GRIA4: variants seen among roughly 807,000 people sequenced by gnomAD.
The protein encoded by GRIA4 is glutamate receptor 4.
GRIA4 carries 34 observed loss-of-function variants against 104.0 expected under a neutral mutation model. The observed-to-expected ratio is 0.33, with a 90% CI of 0.25 to 0.44. GRIA4 has a LOEUF of 0.44. Among genes scored for constraint, GRIA4 ranks in the 20% least tolerant of loss-of-function variants. The pLI, the probability that GRIA4 is intolerant of heterozygous loss-of-function variation, is 1.00. For synonymous variants in GRIA4, 386 were observed against 381.9 expected, an observed-to-expected ratio of 1.01 and a Z score of -0.13; for missense variants, 750 against 1,096.5, an observed-to-expected ratio of 0.68 and a Z score of 4.46.
intron 6 of GRIA4, among the ~76,000 whole-genome samples, chr11:105,887,815 C>T (rs1430032344): frequency 5.9e-5 from 9 of 152,072 alleles, no homozygotes; most frequent in Admixed American, 1.3e-4. Context: ...TACTTTGCTA[C>T]GATACCACTT....
intron 4 of GRIA4, among the ~76,000 whole-genome samples, chr11:105,781,341 G>A (rs1941717425): frequency 2.6e-5 from 4 of 151,968 alleles, no homozygotes; most frequent in Admixed American, 2.6e-4. Flanking sequence ...TTTTGTACAA[G>A]GACTCCAACA....
chr11:105,807,387 T>C (rs912472183), intron 4 of GRIA4, among the ~76,000 whole-genome samples: 5 of 151,900 alleles, frequency 3.3e-5, no homozygotes, highest in Non-Finnish European at 5.9e-5. Context: ...ATGTTAAACA[T>C]TGAAAAAGAG....
At chr11:105,797,692 GTTTCT>G (rs1186317641) in intron 4 of GRIA4, 1 of 354,190 alleles carries the variant, frequency 2.8e-6, no homozygotes, top group Non-Finnish European at 5.7e-6. Flanking sequence ...ACTATAATGA[GTTTCT>G]TTGTGTCTTG....
At chr11:105,864,746 T>C (rs1189681686) in intron 5 of GRIA4, among the ~76,000 whole-genome samples, 1 of 152,110 alleles carries the variant, frequency 6.6e-6, no homozygotes, top group Admixed American at 6.5e-5. Context: ...GGCACATGCC[T>C]GTAATCCCAG....
Position 105,801,087 on chromosome 11 carries a change from G to A in GRIA4, c.487+47867G>A, listed in dbSNP as rs562882427. 2.6e-5 allele frequency among the ~76,000 whole-genome samples: 4 copies of A among 151,606 alleles called. No homozygotes were observed. In the South Asian group the frequency reaches 8.3e-4, roughly 32 times the overall value. On this transcript the variant is annotated intron_variant, in intron 4 of 16. Transcript: ENST00000282499. ...AATAAAATTGAGCTATTTTGTTCAG[G>A]AAAACCCAGAATAACAACCTTAGAG... is the stretch of plus-strand genomic sequence containing the variant.
intron 3 of GRIA4, among the ~76,000 whole-genome samples, chr11:105,650,624 T>C (rs151090507): frequency 1.9e-4 from 29 of 152,264 alleles, no homozygotes; most frequent in Non-Finnish European, 3.7e-4. Flanking sequence ...CATAAGAATC[T>C]CTAGTTAGGA....
intron 4 of GRIA4, among the ~76,000 whole-genome samples, chr11:105,769,191 A>C (rs1941094801): frequency 6.6e-6 from 1 of 152,108 alleles, no homozygotes; most frequent in Non-Finnish European, 1.5e-5. Context: ...GTGTTCCATT[A>C]AAGTTAGGTG....
At chr11:105,681,891 A>T (rs1249668218) in intron 3 of GRIA4, among the ~76,000 whole-genome samples, 1 of 152,084 alleles carries the variant, frequency 6.6e-6, no homozygotes, top group Non-Finnish European at 1.5e-5. Context: ...AAAATATAAA[A>T]ATTAGCCAAG....
At position 105,760,529 on chromosome 11, in the gene GRIA4, C is replaced by G. The variant is rs542068863; in HGVS notation, c.487+7309C>G. ...CCCAATGTACTTGACAATTTTGTAG[C>G]AAGGTTATATTGGCCTTCTAAACTA... On this transcript the variant is annotated intron_variant, in intron 4 of 16. Transcript: ENST00000282499. Among the ~76,000 whole-genome samples, 12 of 152,248 alleles carry G rather than the reference C, an allele frequency of 7.9e-5. No individual in the cohort carries two copies. The South Asian group carries it at 2.5e-3, about 32-fold the overall frequency.
intron 3 of GRIA4, among the ~76,000 whole-genome samples, chr11:105,621,847 G>A (rs1950754637): frequency 1.3e-5 from 2 of 151,666 alleles, no homozygotes; most frequent in African/African-American, 4.8e-5. Flanking sequence ...TCTATGACTT[G>A]CCAACAGTGA....
chr11:105,715,354 A>G (rs1019282992), intron 3 of GRIA4, among the ~76,000 whole-genome samples: 1 of 152,182 alleles, frequency 6.6e-6, no homozygotes, highest in African/African-American at 2.4e-5. Flanking sequence ...TACTAGAGAT[A>G]TATCTTTAAC....
intron 3 of GRIA4, among the ~76,000 whole-genome samples, chr11:105,723,605 T>A (rs1345053173): frequency 6.6e-6 from 1 of 152,122 alleles, no homozygotes; most frequent in Non-Finnish European, 1.5e-5. Flanking sequence ...AATTTTGGCA[T>A]GAATTAGTCT....
chr11:105,793,640 C>T (rs776465002), intron 4 of GRIA4, among the ~76,000 whole-genome samples: 2 of 152,106 alleles, frequency 1.3e-5, no homozygotes, highest in East Asian at 1.9e-4. Flanking sequence ...AGTGATTCAG[C>T]GGGTGCAACA....
Position 105,972,048 on chromosome 11 carries a change from G to A in GRIA4, c.2409+20G>A, listed in dbSNP as rs1371840602. 8.3e-6 allele frequency: 12 copies of A among 1,453,494 alleles called. No homozygotes were observed. The highest frequency in any genetic ancestry group is 2.8e-5 in the African/African-American group (2 of 71,518). The allele number at this position is 1,453,494 out of a possible 1,614,324, so 90.0% of individuals were successfully genotyped here. On this transcript the variant is annotated intron_variant, in intron 15 of 16. Coordinates refer to ENST00000282499, the MANE Select transcript of GRIA4 (RefSeq NM_000829.4). ...AGCAAGGTCAGTCGCTGCAGTTCGG[G>A]GCCTCCTCTTGTGTTCACAAAGCAG... is the stretch of plus-strand genomic sequence containing the variant.
chr11:105,697,835 T>C (rs1953337944), intron 3 of GRIA4, among the ~76,000 whole-genome samples: 1 of 152,128 alleles, frequency 6.6e-6, no homozygotes, highest in Non-Finnish European at 1.5e-5. Flanking sequence ...GCAAAATGGG[T>C]ACATATACTC....
rs1182037075 is a variant in GRIA4 at position 105,980,573 on chromosome 11, A to G, written c.*834A>G. 6.6e-6 allele frequency: 1 copy of G among 152,634 alleles called. No homozygotes were observed. Among genetic ancestry groups the G allele is most frequent in the Non-Finnish European group, 1.5e-5 (1 of 68,042 alleles). The allele number at this position is 152,634 out of a possible 1,614,324, so 9.5% of individuals were successfully genotyped here. On this transcript the variant is annotated 3_prime_UTR_variant, in exon 17 of 17. Coordinates refer to ENST00000282499, the MANE Select transcript of GRIA4 (RefSeq NM_000829.4). ...AAAAGGAAGAAAACGTTTAGGTTCA[A>G]TCATCAGTCTGCGGTGTAGACTCGA...
intron 3 of GRIA4, among the ~76,000 whole-genome samples, chr11:105,704,061 T>C (rs1953603669): frequency 6.6e-6 from 1 of 152,042 alleles, no homozygotes; most frequent in African/African-American, 2.4e-5. Flanking sequence ...GAATGCTTAT[T>C]CAATACAAAT....
intron 3 of GRIA4, among the ~76,000 whole-genome samples, chr11:105,692,581 T>C (rs1320734313): frequency 6.6e-6 from 1 of 152,220 alleles, no homozygotes; most frequent in Non-Finnish European, 1.5e-5. Flanking sequence ...CTTATTTAAC[T>C]GCTAAGTTGA....
chr11:105,697,577 T>C (rs1284981884), intron 3 of GRIA4, among the ~76,000 whole-genome samples: 1 of 152,216 alleles, frequency 6.6e-6, no homozygotes, highest in African/African-American at 2.4e-5. Flanking sequence ...GAATGCTGTC[T>C]ACCTTAGATG....
Sources: allele counts gnomAD v4.1 joint callset (sites outside exome capture counted in the v4.1 genomes callset), GRCh38; gene constraint gnomAD v4.1.1; transcripts MANE v1.5; gene names NCBI Gene and HGNC (gene_info 2026-07-23, HGNC 2026-07-21).